Variants in OLFM2 observed in about 807,000 individuals in gnomAD.
OLFM2 encodes the protein noelin-2.
In OLFM2, 20 loss-of-function variants were observed where a neutral mutation model predicts 43.9. That is an observed-to-expected ratio of 0.46 (90% CI 0.32 to 0.66). The LOEUF (loss-of-function observed/expected upper bound fraction) is 0.66. Ranked by LOEUF, OLFM2 falls within the 30% of genes least tolerant of loss-of-function variation. The pLI is 0.04. For synonymous variants in OLFM2, 268 were observed against 278.6 expected (o/e 0.96, Z 0.38); for missense variants, 416 against 643.6 (o/e 0.65, Z 3.83).
chr19:9,926,724 A>G (rs1210908385), intron 1 of OLFM2, among the ~76,000 whole-genome samples: 2 of 152,184 alleles, frequency 1.3e-5, no homozygotes, highest in African/African-American at 4.8e-5. Flanking sequence ...TCACGCCTGT[A>G]ATCCCAGCAG....
At chr19:9,865,689 G>T (rs955216099) in intron 1 of OLFM2, among the ~76,000 whole-genome samples, 15 of 150,554 alleles carry the variant, frequency 1.0e-4, no homozygotes, top group African/African-American at 3.4e-4. Flanking sequence ...ACAGGGTTTC[G>T]CCATGTTGGC....
intron 1 of OLFM2, among the ~76,000 whole-genome samples, chr19:9,918,006 G>A (rs1006778504): frequency 6.6e-6 from 1 of 151,154 alleles, no homozygotes; most frequent in Non-Finnish European, 1.5e-5. Flanking sequence ...AGCCTCCCAA[G>A]TAGCTGGGTT....
Position 9,857,238 on chromosome 19 carries a change from G to T in OLFM2, c.580+25C>A. 1 of 1,604,326 alleles carries T rather than the reference G, an allele frequency of 6.2e-7. No individual in the cohort carries two copies. Among genetic ancestry groups the T allele is most frequent in the South Asian group, 1.1e-5 (1 of 90,908 alleles). On this transcript the variant is annotated intron_variant, in intron 4 of 5. Transcript: ENST00000264833. The surrounding 1 kb of genome is among the most constrained non-coding windows in gnomAD (Gnocchi z 5.7). ...TGGGTGTGGCAGTCAGAGATCAGGGGTCAGGGTCAAGGGCCAAGGCATACC... is the reference window on the plus strand; with the variant it reads ...TGGGTGTGGCAGTCAGAGATCAGGGTTCAGGGTCAAGGGCCAAGGCATACC...
At chr19:9,936,161 TC>T in intron 1 of OLFM2, 142 bp downstream of exon 1, 2 of 626,152 alleles carry the variant, frequency 3.2e-6, no homozygotes, top group Non-Finnish European at 2.3e-6. Flanking sequence ...TCCCGGCCCC[TC>T]CCCCGCTGCG....
Position 9,874,328 on chromosome 19 carries a change from C to CTTTT in OLFM2, c.64-13538_64-13535dup, listed in dbSNP as rs35985373. Among the ~76,000 whole-genome samples the CTTTT allele has an allele frequency of 8.2e-3, 981 of 120,166 alleles. 51 individuals are homozygous for CTTTT. The highest frequency in any genetic ancestry group is 0.019 in the African/African-American group (582 of 30,642). The allele number at this position is 120,166 out of a possible 152,430, so 78.8% of individuals were successfully genotyped here. ...GAGTTTTGGAGAATGCCCCACTGGC[C>CTTTT]TTTTTTTTTTTTTTTTTAAGAGAGA... On this transcript the variant is annotated intron_variant, in intron 1 of 5. Transcript: ENST00000264833.
chr19:9,884,843 C>T (rs1271803735), intron 1 of OLFM2, among the ~76,000 whole-genome samples: 2 of 152,180 alleles, frequency 1.3e-5, no homozygotes, highest in Non-Finnish European at 2.9e-5. Context: ...ATGGTCCCAA[C>T]ACCAGCAGAT....
At chr19:9,898,701 A>G (rs1221833677) in intron 1 of OLFM2, among the ~76,000 whole-genome samples, 3 of 151,956 alleles carry the variant, frequency 2.0e-5, no homozygotes, top group Non-Finnish European at 4.4e-5. Context: ...TGGGCCTTAT[A>G]AGTCTCTCCA....
rs776990738 is a variant in OLFM2 at position 9,854,505 on chromosome 19, C to T, written c.1046G>A (p.Arg349Gln). The change falls in exon 6 of 6, where the codon CGG (arginine) becomes CAG (glutamine). Residue 349 changes from arginine (R) to glutamine (Q), a missense_variant. Transcript: ENST00000264833. This position sits in a 1 kb window ranked among gnomAD's most constrained non-coding sequence, Gnocchi z 9.5. ...GACCTCGAGGGTGTGCGGGTCCAGCCGGCTGACCACGATGTTGCCCGCGTT... is the reference window on the plus strand; with the variant it reads ...GACCTCGAGGGTGTGCGGGTCCAGCTGGCTGACCACGATGTTGCCCGCGTT... ...NQNAGNIVVS[R>Q]LDPHTLEVMR... 13 of 1,613,748 alleles carry T rather than the reference C, an allele frequency of 8.1e-6. No homozygotes were observed. Among genetic ancestry groups the T allele is most frequent in the South Asian group, 6.6e-5 (6 of 91,088 alleles).
At chr19:9,919,683 C>T (rs2086407751) in intron 1 of OLFM2, among the ~76,000 whole-genome samples, 1 of 147,356 alleles carries the variant, frequency 6.8e-6, no homozygotes, top group Non-Finnish European at 1.5e-5. Context: ...CATTTTGCCA[C>T]ATTGGCCAGG....
At chr19:9,926,421 G>A (rs941175041) in intron 1 of OLFM2, among the ~76,000 whole-genome samples, 7 of 150,544 alleles carry the variant, frequency 4.6e-5, no homozygotes, top group South Asian at 2.1e-4. Flanking sequence ...GCGTGGTGGC[G>A]GCCGCCTGTA....
rs1401980050 is a variant in OLFM2 at position 9,900,988 on chromosome 19, A to AAGGAAGGGAGGGAGGG, written c.63+35315_63+35316insCCCTCCCTCCCTTCCT. Among the ~76,000 whole-genome samples the AAGGAAGGGAGGGAGGG allele has an allele frequency of 7.1e-3, 202 of 28,360 alleles. 4 individuals are homozygous for AAGGAAGGGAGGGAGGG. The highest frequency in any genetic ancestry group is 0.01 in the African/African-American group (26 of 2,566). 18.6% of individuals were successfully genotyped at this position (28,360 alleles called of 152,430 possible). A position where few individuals can be genotyped will look rare whatever the true frequency, so the allele number is the denominator to read the frequency against. On this transcript the variant is annotated intron_variant, in intron 1 of 5. Transcript: ENST00000264833. ...GAAGGAAGGAAGGAAGGAAGGAAGG[A>AAGGAAGGGAGGGAGGG]AGGGAGGGAGGGGGGAGGGAGGGAA...
At chr19:9,927,880 T>A (rs1476685622) in intron 1 of OLFM2, among the ~76,000 whole-genome samples, 1 of 151,080 alleles carries the variant, frequency 6.6e-6, no homozygotes, top group African/African-American at 2.4e-5. Context: ...TGAACAATAT[T>A]GTGAAACCCT....
chr19:9,901,116 GGAAA>G (rs1185951751), intron 1 of OLFM2, among the ~76,000 whole-genome samples: 3 of 136,762 alleles, frequency 2.2e-5, no homozygotes, highest in African/African-American at 2.7e-5. Flanking sequence ...AAGGAAGGAA[GGAAA>G]GAAAGAAAAA....
intron 1 of OLFM2, among the ~76,000 whole-genome samples, chr19:9,910,483 G>A (rs904836912): frequency 6.6e-6 from 1 of 152,160 alleles, no homozygotes; most frequent in African/African-American, 2.4e-5. Context: ...CATTTTGGGA[G>A]GCCGAGGAGG....
chr19:9,873,929 G>C (rs1343174973), intron 1 of OLFM2, among the ~76,000 whole-genome samples: 1 of 148,690 alleles, frequency 6.7e-6, no homozygotes, highest in Admixed American at 6.9e-5. Flanking sequence ...GAAATTACAG[G>C]TGTGGGCCAC....
intron 1 of OLFM2, among the ~76,000 whole-genome samples, chr19:9,904,788 G>A (rs1301161219): frequency 6.6e-6 from 1 of 152,220 alleles, no homozygotes; most frequent in East Asian, 1.9e-4. Context: ...GGGAGGCCAA[G>A]GTGGGAGGAT....
chr19:9,920,593 G>GA (rs1458491752), intron 1 of OLFM2, among the ~76,000 whole-genome samples: 1 of 151,620 alleles, frequency 6.6e-6, no homozygotes, highest in Non-Finnish European at 1.5e-5. Context: ...GTAAGCCACT[G>GA]AAAAAAAATG....
chr19:9,900,998 G>GGGGGGAGGGA (rs1356477654), intron 1 of OLFM2, among the ~76,000 whole-genome samples: 3 of 54,482 alleles, frequency 5.5e-5, no homozygotes, highest in Admixed American at 1.7e-4. Context: ...AAGGGAGGGA[G>GGGGGGAGGGA]GGGGGAGGGA....
Position 9,928,677 on chromosome 19 carries a change from C to T in OLFM2, c.63+7627G>A, listed in dbSNP as rs1241684266. Among the ~76,000 whole-genome samples, 9 of 151,984 alleles carry T rather than the reference C, an allele frequency of 5.9e-5. No individual in the cohort carries two copies. The East Asian group carries it at 7.8e-4, about 13-fold the overall frequency. Reference sequence around the variant, plus strand: ...AAAACTAGCCAGGCATGGTGGTGCACGCCTGTAGTCCCAGCTACTTGGGTG... The same window carrying T: ...AAAACTAGCCAGGCATGGTGGTGCATGCCTGTAGTCCCAGCTACTTGGGTG... On this transcript the variant is annotated intron_variant, in intron 1 of 5. Coordinates refer to ENST00000264833, the MANE Select transcript of OLFM2 (RefSeq NM_058164.4).
Sources: gnomAD v4.1 joint callset for allele counts (sites outside exome capture counted in the v4.1 genomes callset) on GRCh38, gnomAD v4.1.1 for gene constraint, Gnocchi (gnomAD v3.1) non-coding constraint, MANE v1.5 for transcripts, NCBI Gene and HGNC (gene_info 2026-07-23, HGNC 2026-07-21) for gene names.